CPXM2: variants seen among roughly 807,000 people sequenced by gnomAD.
The protein encoded by CPXM2 is carboxypeptidase X, M14 family member 2.
In CPXM2, 66 loss-of-function variants were observed where a neutral mutation model predicts 86.1. That is an observed-to-expected ratio of 0.77 (90% confidence interval 0.63 to 0.94). The LOEUF (loss-of-function observed/expected upper bound fraction) is 0.94. Ranked by LOEUF, CPXM2 falls within the 40% of genes least tolerant of loss-of-function variation. CPXM2 has a pLI of 0.00. For missense variants in CPXM2, 948 were observed against 1,026.3 expected (o/e 0.92, Z 1.04); for synonymous variants, 388 against 400.2 (o/e 0.97, Z 0.36).
intron 2 of CPXM2, among the ~76,000 whole-genome samples, chr10:123,936,325 C>T (rs1185244208): frequency 6.6e-6 from 1 of 152,136 alleles, no homozygotes; most frequent in African/African-American, 2.4e-5. Flanking sequence ...TATTGTCTCC[C>T]CAAAATCAAT....
At chr10:123,911,320 T>C (rs1945486035) in intron 2 of CPXM2, among the ~76,000 whole-genome samples, 1 of 152,066 alleles carries the variant, frequency 6.6e-6, no homozygotes. Context: ...CCTCAAGAAC[T>C]GATGGTCCAG....
chr10:123,830,513 C>T (rs1401525839), intron 4 of CPXM2, among the ~76,000 whole-genome samples: 1 of 152,226 alleles, frequency 6.6e-6, no homozygotes, highest in Middle Eastern at 3.2e-3. Flanking sequence ...CACCTCTACA[C>T]ACAAGTAGGG....
At chr10:123,826,232 TGACA>T (rs1255620729) in intron 4 of CPXM2, among the ~76,000 whole-genome samples, 1 of 152,132 alleles carries the variant, frequency 6.6e-6, no homozygotes, top group Non-Finnish European at 1.5e-5. Flanking sequence ...CCCCCTTCAA[TGACA>T]GGAAGACACC....
In CPXM2 at chr10:123,865,628, G is replaced by A. The variant is rs1223714572; in HGVS notation, c.404-2905C>T. 2.0e-5 allele frequency among the ~76,000 whole-genome samples: 3 copies of A among 152,104 alleles called. No individual in the cohort carries two copies. Among genetic ancestry groups the A allele is most frequent in the Non-Finnish European group, 4.4e-5 (3 of 68,028 alleles). On this transcript the variant is annotated intron_variant, in intron 2 of 13. Coordinates refer to ENST00000241305, the MANE Select transcript of CPXM2 (RefSeq NM_198148.3). The surrounding 1 kb of genome is among the most constrained non-coding windows in gnomAD (Gnocchi z 4.7). ...CCTCCAGAGAGGGCCTGACTCACCTGGTCCCCTGGCTGCCCACTGGGATCA... is the reference window on the plus strand; with the variant it reads ...CCTCCAGAGAGGGCCTGACTCACCTAGTCCCCTGGCTGCCCACTGGGATCA...
intron 2 of CPXM2, among the ~76,000 whole-genome samples, chr10:123,897,430 G>A (rs902309414): frequency 4.6e-5 from 7 of 152,128 alleles, no homozygotes; most frequent in South Asian, 2.1e-4. Flanking sequence ...ACAAATGATC[G>A]AGTCAGTTGA....
At chr10:123,834,833 C>A (rs1848247139) in intron 4 of CPXM2, among the ~76,000 whole-genome samples, 2 of 152,064 alleles carry the variant, frequency 1.3e-5, no homozygotes, top group African/African-American at 4.8e-5. Context: ...TGAGTGACTT[C>A]TTGCTCTATT....
At chr10:123,839,905 CTT>C (rs1848352458) in intron 4 of CPXM2, among the ~76,000 whole-genome samples, 1 of 152,160 alleles carries the variant, frequency 6.6e-6, no homozygotes, top group African/African-American at 2.4e-5. Context: ...AAAAGTAACT[CTT>C]AAAGTAATTC....
At chr10:123,908,884 T>C (rs1469471499) in intron 2 of CPXM2, among the ~76,000 whole-genome samples, 1 of 152,168 alleles carries the variant, frequency 6.6e-6, no homozygotes, top group African/African-American at 2.4e-5. Context: ...ATCAACAAAC[T>C]GTACACTTTA....
rs1847377782 is a variant in CPXM2 at position 123,798,255 on chromosome 10, A to G, written c.739-129T>C. 4 of 288,222 alleles carry G rather than the reference A, an allele frequency of 1.4e-5. No homozygotes were observed. The East Asian group carries it at 3.5e-4, about 25-fold the overall frequency. The allele number at this position is 288,222 out of a possible 1,614,324, so 17.9% of individuals were successfully genotyped here. A position where few individuals can be genotyped will look rare whatever the true frequency, so the allele number is the denominator to read the frequency against. Reference sequence around the variant, plus strand: ...TAATGTGTGCTGTGCATTGAAAAGAAAAAAAAAAAAAAAAGAAATGAATCA... The same window carrying G: ...TAATGTGTGCTGTGCATTGAAAAGAGAAAAAAAAAAAAAAGAAATGAATCA... On this transcript the variant is annotated intron_variant, in intron 5 of 13. Coordinates refer to ENST00000241305, the MANE Select transcript of CPXM2 (RefSeq NM_198148.3).
intron 6 of CPXM2, among the ~76,000 whole-genome samples, chr10:123,794,761 G>GTGTC (rs1397966925): frequency 6.6e-6 from 1 of 151,094 alleles, no homozygotes; most frequent in Non-Finnish European, 1.5e-5. Context: ...GTGTGTGTGT[G>GTGTC]TGTGTGTGCG....
At chr10:123,907,441 G>A (rs1327922520) in intron 2 of CPXM2, among the ~76,000 whole-genome samples, 1 of 152,144 alleles carries the variant, frequency 6.6e-6, no homozygotes, top group East Asian at 1.9e-4. Context: ...CGGCATCGCT[G>A]GGCGGGGCCC....
intron 6 of CPXM2, among the ~76,000 whole-genome samples, chr10:123,789,175 T>C (rs1239032440): frequency 6.6e-6 from 1 of 152,172 alleles, no homozygotes; most frequent in South Asian, 2.1e-4. Flanking sequence ...GTAATTCCTA[T>C]AGAGCAAGGC....
At chr10:123,774,792 G>A (rs760809634) in intron 7 of CPXM2, among the ~76,000 whole-genome samples, 1 of 152,174 alleles carries the variant, frequency 6.6e-6, no homozygotes, top group African/African-American at 2.4e-5. Context: ...ATCATAAACG[G>A]AGAAGCAACA....
intron 4 of CPXM2, among the ~76,000 whole-genome samples, chr10:123,806,820 G>C (rs147048950): frequency 6.6e-6 from 1 of 152,158 alleles, no homozygotes; most frequent in East Asian, 1.9e-4. Flanking sequence ...CATGAGAACA[G>C]CATGGGGGAA....
At chr10:123,859,473 C>G (rs561290959) in intron 3 of CPXM2, among the ~76,000 whole-genome samples, 1 of 152,322 alleles carries the variant, frequency 6.6e-6, no homozygotes, top group Non-Finnish European at 1.5e-5. Context: ...AGTGTGCTCC[C>G]CGTGGGGGAC....
At chr10:123,919,893 T>A (rs972597638) in intron 2 of CPXM2, among the ~76,000 whole-genome samples, 11 of 152,022 alleles carry the variant, frequency 7.2e-5, no homozygotes, top group African/African-American at 2.7e-4. Flanking sequence ...TTTCAGGAAG[T>A]GGAGGAAGCA....
At chr10:123,827,926 G>A (rs911335229) in intron 4 of CPXM2, among the ~76,000 whole-genome samples, 1 of 152,120 alleles carries the variant, frequency 6.6e-6, no homozygotes, top group Admixed American at 6.5e-5. Flanking sequence ...CACTTGGAGA[G>A]GCCAAGGCAG....
At chr10:123,839,313 C>T (rs1398860368) in intron 4 of CPXM2, among the ~76,000 whole-genome samples, 1 of 152,212 alleles carries the variant, frequency 6.6e-6, no homozygotes, top group African/African-American at 2.4e-5. Flanking sequence ...TCAATCTTCT[C>T]TTCCCAAACC....
chr10:123,899,699 C>T (rs1213581321), intron 2 of CPXM2, among the ~76,000 whole-genome samples: 2 of 152,176 alleles, frequency 1.3e-5, no homozygotes, highest in African/African-American at 4.8e-5. Context: ...AAGGTGGATT[C>T]TTTACCATGT....
Sources: gnomAD v4.1 joint callset for allele counts (sites outside exome capture counted in the v4.1 genomes callset) on GRCh38, gnomAD v4.1.1 for gene constraint, Gnocchi (gnomAD v3.1) non-coding constraint, MANE v1.5 for transcripts, NCBI Gene and HGNC (gene_info 2026-07-23, HGNC 2026-07-21) for gene names.